The following SH3YL1 variants were observed in gnomAD, a reference collection of about 807,000 sequenced individuals.
SH3YL1 encodes SH3 and SYLF domain containing 1.
SH3YL1 carries 41 observed loss-of-function variants against 45.8 expected under a neutral mutation model. That is an observed-to-expected ratio of 0.89 (90% CI 0.70 to 1.16). SH3YL1 has a LOEUF of 1.16. Among genes scored for constraint, SH3YL1 ranks in the 50% most tolerant of loss-of-function variants. SH3YL1 has a pLI of 0.00. For missense variants in SH3YL1, 389 were observed against 409.6 expected (o/e 0.95, Z 0.43); for synonymous variants, 152 against 151.4 (o/e 1.00, Z -0.03).
intron 4 of SH3YL1, chr2:241,069 A>G (rs1485597999): frequency 6.6e-6 from 1 of 152,204 alleles, no homozygotes; most frequent in Non-Finnish European, 1.5e-5. Flanking sequence ...TGCTGTTCAG[A>G]TGGTCCAGCT....
chr2:264,603 C>CG (rs1306700000), upstream of SH3YL1: 4 of 115,776 alleles, frequency 3.5e-5, no homozygotes, highest in African/African-American at 1.2e-4. Context: ...TGACTCCCCC[C>CG]CGCCAACCCC....
At chr2:233,394 T>C (rs1042043783) in intron 5 of SH3YL1, among the ~76,000 whole-genome samples, 165 bp from the exon 6 acceptor site, 1 of 152,228 alleles carries the variant, frequency 6.6e-6, no homozygotes, top group Admixed American at 6.5e-5. Flanking sequence ...TGTTTTAATG[T>C]GGCCTAGAGG....
intron 8 of SH3YL1, among the ~76,000 whole-genome samples, chr2:228,008 T>C (rs1233322479): frequency 6.6e-6 from 1 of 152,222 alleles, no homozygotes; most frequent in Non-Finnish European, 1.5e-5. Flanking sequence ...TCACTAGTTT[T>C]AAATTTTTAG....
chr2:227,739 G>GT (rs1667850999), intron 8 of SH3YL1, among the ~76,000 whole-genome samples: 6 of 151,490 alleles, frequency 4.0e-5, no homozygotes, highest in African/African-American at 1.4e-4. Context: ...TGTTGTGAAC[G>GT]TGGGTTTCCT....
At chr2:253,771 C>G (rs1036288425) in intron 1 of SH3YL1, among the ~76,000 whole-genome samples, 3 of 152,188 alleles carry the variant, frequency 2.0e-5, no homozygotes, top group Non-Finnish European at 4.4e-5. Context: ...TGAGTTCTTT[C>G]TAGCACCAGG....
At chr2:243,687 C>A in intron 4 of SH3YL1, 1 of 1,060,038 alleles carries the variant, frequency 9.4e-7, no homozygotes, top group Non-Finnish European at 1.3e-6. Flanking sequence ...TCCCTTAGTA[C>A]CTTAAGTTTC....
chr2:252,775 G>A (rs1184232339), intron 2 of SH3YL1, among the ~76,000 whole-genome samples: 1 of 152,130 alleles, frequency 6.6e-6, no homozygotes, highest in Non-Finnish European at 1.5e-5. Flanking sequence ...CATGAAACAA[G>A]TTATGCTGTG....
chr2:218,858 G>C lies in SH3YL1; in HGVS notation c.982C>G (p.Arg328Gly), dbSNP rs186175944. Residue 328 changes from arginine (R) to glycine (G), a missense_variant, in exon 10 of 10, where the codon CGA (arginine) becomes GGA (glycine). Arg to Gly is a moderately radical substitution (Grantham distance 125). Transcript: ENST00000356150. Reference sequence around the variant, plus strand: ...GCTGGAAAAATGCCAGTTTGACCTCGAAGTTTTCCTTCCCACCAATCAAAA... The same window carrying C: ...GCTGGAAAAATGCCAGTTTGACCTCCAAGTTTTCCTTCCCACCAATCAAAA... ...SHFDWWEGKL[R>G]GQTGIFPANY... The C allele has an allele frequency of 1.9e-6, 3 of 1,613,898 alleles. No individual in the cohort carries two copies. The Admixed American group carries it at 5.0e-5, about 27-fold the overall frequency.
At chr2:233,419 G>C (rs879613396) in intron 5 of SH3YL1, among the ~76,000 whole-genome samples, 190 bp from the exon 6 acceptor site, 1 of 152,164 alleles carries the variant, frequency 6.6e-6, no homozygotes, top group African/African-American at 2.4e-5. Flanking sequence ...ACAGGCCGGG[G>C]GAAGAACATA....
chr2:259,278 T>C (rs1400430518), intron 1 of SH3YL1: 1 of 152,238 alleles, frequency 6.6e-6, no homozygotes, highest in East Asian at 1.9e-4. Flanking sequence ...TGATGAGCAA[T>C]GCTGACCACA....
rs1669707953 is a variant in SH3YL1 at position 263,732 on chromosome 2, C to T, written c.1+252G>A. The stretch of plus-strand genomic sequence containing the variant: ...AGGAAGTTAAAAATAACACGACCAT[C>T]GTCATCATTCCAAACTTCGGAATAG... On this transcript the variant is annotated intron_variant, in intron 1 of 9. Transcript: ENST00000356150. 3 of 458,706 alleles carry T rather than the reference C, an allele frequency of 6.5e-6. No homozygotes were observed. In the Admixed American group the frequency reaches 1.3e-4, roughly 19 times the overall value. 28.4% of individuals were successfully genotyped at this position (458,706 alleles called of 1,614,324 possible).
chr2:264,706 C>T, upstream of SH3YL1: 1 of 441,736 alleles, frequency 2.3e-6, no homozygotes, highest in Non-Finnish European at 4.0e-6. Context: ...GGACAACCTG[C>T]AGCCCCGCCC....
At chr2:250,982 CAG>C (rs1572174211) in intron 2 of SH3YL1, among the ~76,000 whole-genome samples, 1 of 152,192 alleles carries the variant, frequency 6.6e-6, no homozygotes, top group East Asian at 1.9e-4. Flanking sequence ...TTTATTTTTA[CAG>C]CCACCTGTTG....
At chr2:262,825 A>T in intron 1 of SH3YL1, 1 of 723,040 alleles carries the variant, frequency 1.4e-6, no homozygotes, top group African/African-American at 1.9e-5. Flanking sequence ...TTTGATGAGC[A>T]AACATTATTT....
intron 4 of SH3YL1, chr2:242,778 C>A: frequency 6.5e-7 from 1 of 1,535,636 alleles, no homozygotes; most frequent in South Asian, 1.2e-5. Flanking sequence ...ATAGGAGACA[C>A]GCTTTAGATT....
chr2:245,778 T>A (rs114769548), intron 4 of SH3YL1, among the ~76,000 whole-genome samples: 11,474 of 152,182 alleles, frequency 0.075, 566 homozygotes, highest in African/African-American at 0.13. Flanking sequence ...GGTCTTATTT[T>A]GTCAAAAATA....
intron 8 of SH3YL1, 117 bp downstream of exon 8, chr2:229,849 A>G (rs1159923949): frequency 2.7e-6 from 2 of 742,096 alleles, no homozygotes; most frequent in East Asian, 2.8e-5. Context: ...TTTACTCTTA[A>G]ATATGTTAGT....
chr2:233,195 C>G lies in SH3YL1; in HGVS notation c.439G>C (p.Ala147Pro), dbSNP rs554330897. 20 of 1,589,572 alleles carry G rather than the reference C, an allele frequency of 1.3e-5. No homozygotes were observed. The highest frequency in any genetic ancestry group is 1.6e-5 in the Non-Finnish European group (19 of 1,166,056). The change falls in exon 6 of 10, where the codon GCT (alanine) becomes CCT (proline). Residue 147 changes from alanine to proline, a missense_variant. By Grantham distance (27) the Ala-to-Pro change is conservative (BLOSUM62 -1). Transcript: ENST00000356150. Reference sequence around the variant, plus strand: ...GACTTGCAGTACGTGAAGACGGCAGCGGAGCTTCTCAGGGCCACGTTTCCT... The same window carrying G: ...GACTTGCAGTACGTGAAGACGGCAGGGGAGCTTCTCAGGGCCACGTTTCCT... Reference protein sequence around the residue: ...LEGNVALRSSAAVFTYCKSRG... With the variant: ...LEGNVALRSSPAVFTYCKSRG...
intron 4 of SH3YL1, chr2:242,839 C>A: frequency 6.6e-7 from 1 of 1,521,518 alleles, no homozygotes. Context: ...ATGTGTCATG[C>A]AGATGGCAAC....
Sources: gnomAD v4.1 joint callset for allele counts (sites outside exome capture counted in the v4.1 genomes callset) on GRCh38, gnomAD v4.1.1 for gene constraint, MANE v1.5 for transcripts, NCBI Gene and HGNC (gene_info 2026-07-23, HGNC 2026-07-21) for gene names.